Variants in CCDC3 observed in about 807,000 individuals in gnomAD.
The protein encoded by CCDC3 is coiled-coil domain containing 3.
Under a neutral mutation model 21.4 loss-of-function variants are expected in CCDC3, and 24 were observed. The observed-to-expected ratio is 1.12, with a 90% CI of 0.81 to 1.58. The LOEUF (loss-of-function observed/expected upper bound fraction) is 1.58, where lower values mean the gene tolerates loss of function less well. Ranked by LOEUF, CCDC3 falls within the 40% of genes most tolerant of loss-of-function variation. The probability of loss-of-function intolerance (pLI) is 0.00; values close to 1 mark genes in which losing one functional copy is unlikely to be tolerated. For synonymous variants in CCDC3, 186 were observed against 166.0 expected, an observed-to-expected ratio of 1.12 and a Z score of -0.93; for missense variants, 425 against 360.9, an observed-to-expected ratio of 1.18 and a Z score of -1.44.
intron 2 of CCDC3, among the ~76,000 whole-genome samples, chr10:12,977,774 C>A (rs1262854544): frequency 6.6e-6 from 1 of 152,204 alleles, no homozygotes; most frequent in Non-Finnish European, 1.5e-5. Flanking sequence ...AGATGCATAT[C>A]AAGTTCCTAT....
intron 3 of CCDC3, among the ~76,000 whole-genome samples, chr10:13,094,539 G>A (rs1832610411): frequency 6.6e-6 from 1 of 152,016 alleles, no homozygotes. Context: ...ACAGGTGTAA[G>A]CCACTGTGCC....
intron 4 of CCDC3, among the ~76,000 whole-genome samples, chr10:13,064,797 TAAATA>T (rs1365027492): frequency 6.6e-6 from 1 of 151,908 alleles, no homozygotes; most frequent in Admixed American, 6.6e-5. Context: ...AATAAATAAA[TAAATA>T]AAAGACATAC....
chr10:13,091,686 TCC>T (rs1220347279), intron 3 of CCDC3, among the ~76,000 whole-genome samples: 1 of 152,072 alleles, frequency 6.6e-6, no homozygotes, highest in Non-Finnish European at 1.5e-5. Flanking sequence ...TAAAGTTCTC[TCC>T]CCTCCATCTG....
chr10:12,949,092 T>C (rs1000033330), intron 2 of CCDC3, among the ~76,000 whole-genome samples: 4 of 152,064 alleles, frequency 2.6e-5, no homozygotes, highest in South Asian at 4.1e-4. Flanking sequence ...CATCACAATT[T>C]TGGGGGCTCC....
At chr10:12,962,011 T>G (rs1220660516) in intron 2 of CCDC3, among the ~76,000 whole-genome samples, 1 of 152,198 alleles carries the variant, frequency 6.6e-6, no homozygotes, top group Admixed American at 6.5e-5. Flanking sequence ...TTTATGAGAT[T>G]GATTGTAAAT....
At chr10:12,946,433 A>ATT (rs57646156) in intron 2 of CCDC3, among the ~76,000 whole-genome samples, 117 of 151,436 alleles carry the variant, frequency 7.7e-4, no homozygotes, top group African/African-American at 2.6e-3. Flanking sequence ...ACTTAGGAGT[A>ATT]TTTTTTTTTG....
At chr10:12,946,621 G>A (rs887730213) in intron 2 of CCDC3, among the ~76,000 whole-genome samples, 2 of 152,150 alleles carry the variant, frequency 1.3e-5, no homozygotes, top group Non-Finnish European at 1.5e-5. Context: ...TTCTGGTTCT[G>A]AGTGGTGCCC....
intron 2 of CCDC3, among the ~76,000 whole-genome samples, chr10:12,917,389 G>A (rs1834377227): frequency 6.6e-6 from 1 of 151,632 alleles, no homozygotes; most frequent in Admixed American, 6.6e-5. Context: ...GTAGAGACGG[G>A]GTTTCACCGT....
intron 2 of CCDC3, among the ~76,000 whole-genome samples, chr10:12,943,479 T>C (rs1324916845): frequency 6.6e-6 from 1 of 152,242 alleles, no homozygotes; most frequent in Non-Finnish European, 1.5e-5. Flanking sequence ...CAAGCTTGCA[T>C]AGGCAAATGC....
intron 2 of CCDC3, among the ~76,000 whole-genome samples, chr10:12,988,370 G>C (rs3858170): frequency 0.16 from 23,859 of 151,490 alleles, 2,259 homozygotes; most frequent in Admixed American, 0.27. Context: ...TTTTGAGACA[G>C]AGTCTCGTTC....
chr10:12,953,888 G>A (rs2580894), intron 2 of CCDC3, among the ~76,000 whole-genome samples: 49,789 of 152,034 alleles, frequency 0.33, 8,442 homozygotes, highest in East Asian at 0.44. Flanking sequence ...AAATATTTCA[G>A]CTTTGTGGGC....
rs542612880 is a variant in CCDC3 at position 12,961,233 on chromosome 10, G to C, written c.549+37105C>G. ...CCACCAAGTCTGTCTCCTCATCTGTGAGATGAGGATCAGAACAGTATGCAC... is the reference window on the plus strand; with the variant it reads ...CCACCAAGTCTGTCTCCTCATCTGTCAGATGAGGATCAGAACAGTATGCAC... On this transcript the variant is annotated intron_variant, in intron 2 of 2. Coordinates refer to ENST00000378825, the MANE Select transcript of CCDC3 (RefSeq NM_031455.4). Among the ~76,000 whole-genome samples, 113 of 152,318 alleles carry C rather than the reference G, an allele frequency of 7.4e-4. 1 individual carries two copies. Among genetic ancestry groups the C allele is most frequent in the African/African-American group, 2.6e-3 (108 of 41,576 alleles).
chr10:12,908,446 T>C (rs1256636195), intron 2 of CCDC3, among the ~76,000 whole-genome samples: 1 of 152,138 alleles, frequency 6.6e-6, no homozygotes, highest in Non-Finnish European at 1.5e-5. Context: ...CTCCTGTGTT[T>C]CTCCCAGGGA....
intron 2 of CCDC3, among the ~76,000 whole-genome samples, chr10:12,981,313 A>G (rs1485286697): frequency 1.3e-5 from 2 of 150,590 alleles, no homozygotes; most frequent in African/African-American, 4.9e-5. Flanking sequence ...CCGAGTAGGT[A>G]GAATTACAGG....
At chr10:12,916,195 A>G (rs148340008) in intron 2 of CCDC3, among the ~76,000 whole-genome samples, 2,248 of 152,264 alleles carry the variant, frequency 0.015, 37 homozygotes, top group East Asian at 0.082. Context: ...GCACTTTGGG[A>G]GGCCAAGGTG....
chr10:13,082,806 C>T (rs1363871829), intron 3 of CCDC3, among the ~76,000 whole-genome samples: 1 of 148,706 alleles, frequency 6.7e-6, no homozygotes, highest in East Asian at 2.0e-4. Context: ...CTCTGTATGG[C>T]CTGGTTTTTC....
intron 2 of CCDC3, among the ~76,000 whole-genome samples, chr10:12,951,632 C>T (rs960303027): frequency 6.6e-6 from 1 of 151,802 alleles, no homozygotes; most frequent in South Asian, 2.1e-4. Flanking sequence ...AGTGAAACCC[C>T]GTCTCTAACT....
At chr10:13,077,115 C>A (rs1460022262) in intron 3 of CCDC3, among the ~76,000 whole-genome samples, 1 of 152,152 alleles carries the variant, frequency 6.6e-6, no homozygotes, top group Non-Finnish European at 1.5e-5. Context: ...AAAACCCCAT[C>A]GTCTCAGCCC....
At chr10:13,002,120 G>A (rs1564316397), upstream of CCDC3, among the ~76,000 whole-genome samples, 1 of 152,210 alleles carries the variant, frequency 6.6e-6, no homozygotes, top group Non-Finnish European at 1.5e-5. Flanking sequence ...AGGAAATTCA[G>A]TGTGGGCTGA....
Sources: allele counts gnomAD v4.1 joint callset (sites outside exome capture counted in the v4.1 genomes callset), GRCh38; gene constraint gnomAD v4.1.1; transcripts MANE v1.5; gene names NCBI Gene and HGNC (gene_info 2026-07-23, HGNC 2026-07-21).